Variants in C5orf46 observed in about 807,000 individuals in gnomAD.
C5orf46 encodes chromosome 5 open reading frame 46.
C5orf46 carries 9 observed loss-of-function variants against 8.9 expected under a neutral mutation model. The observed-to-expected ratio is 1.01, with a 90% CI of 0.61 to 1.76. The LOEUF (loss-of-function observed/expected upper bound fraction) is 1.76. Among genes scored for constraint, C5orf46 ranks in the 40% most tolerant of loss-of-function variants. C5orf46 has a pLI of 0.00. For synonymous variants in C5orf46, 47 were observed against 41.4 expected, an observed-to-expected ratio of 1.14 and a Z score of -0.52; for missense variants, 98 against 107.8, an observed-to-expected ratio of 0.91 and a Z score of 0.40.
chr5:147,904,101 A>G (rs77897710), intron 1 of C5orf46, among the ~76,000 whole-genome samples: 1 of 152,258 alleles, frequency 6.6e-6, no homozygotes, highest in East Asian at 1.9e-4. Flanking sequence ...AAAAAAAAAA[A>G]AGACAACTGT....
intron 2 of C5orf46, chr5:147,886,776 T>C (rs1380955462): frequency 6.6e-6 from 1 of 151,650 alleles, no homozygotes; most frequent in Non-Finnish European, 1.5e-5. Context: ...ATATTTTTTG[T>C]TATTATAAAA....
At chr5:147,892,294 C>A (rs2127124384), downstream of C5orf46, among the ~76,000 whole-genome samples, 1 of 152,312 alleles carries the variant, frequency 6.6e-6, no homozygotes. Flanking sequence ...ATTTCAATGA[C>A]TCTTCCATCC....
intron 3 of C5orf46, among the ~76,000 whole-genome samples, chr5:147,895,706 G>A (rs915138888): frequency 9.2e-5 from 14 of 152,168 alleles, no homozygotes; most frequent in African/African-American, 3.1e-4. Flanking sequence ...CGGAATGAAG[G>A]CAAAGTATTA....
intron 2 of C5orf46, among the ~76,000 whole-genome samples, chr5:147,897,353 A>G (rs1327574815): frequency 6.6e-6 from 1 of 152,230 alleles, no homozygotes; most frequent in African/African-American, 2.4e-5. Context: ...CATGGCAAAT[A>G]GTAGAAATTA....
rs2127131046 is a variant in C5orf46 at position 147,901,766 on chromosome 5, T to C, written c.78A>G (p.Lys26=). ...VLFLTCYADD[K]PDKPDDKPDD... Reference sequence around the variant, plus strand: ...CTGGCTTGTCGTCTGGCTTGTCTGGTTTGTCGTCTGAAAAACAACAGAATC... The same window carrying C: ...CTGGCTTGTCGTCTGGCTTGTCTGGCTTGTCGTCTGAAAAACAACAGAATC... The change falls in exon 2 of 4, where the codon AAA becomes AAG. Residue 26 remains lysine, a synonymous_variant. Coordinates refer to ENST00000318315, the MANE Select transcript of C5orf46 (RefSeq NM_206966.3). The C allele has an allele frequency of 6.2e-7, 1 of 1,613,600 alleles. No individual in the cohort carries two copies. Among genetic ancestry groups the C allele is most frequent in the Admixed American group, 1.7e-5 (1 of 59,924 alleles).
At chr5:147,886,818 C>G (rs1757427541) in intron 2 of C5orf46, 1 of 151,900 alleles carries the variant, frequency 6.6e-6, no homozygotes, top group Admixed American at 6.6e-5. Context: ...ATTTTGCATA[C>G]ATTTTTGTCT....
At chr5:147,904,840 TAC>T (rs1046100109) in intron 1 of C5orf46, among the ~76,000 whole-genome samples, 7 of 148,546 alleles carry the variant, frequency 4.7e-5, no homozygotes, top group African/African-American at 1.0e-4. Context: ...TATATATATA[TAC>T]ACACACATAC....
intron 2 of C5orf46, among the ~76,000 whole-genome samples, chr5:147,897,570 C>T (rs536513533): frequency 3.3e-5 from 5 of 152,180 alleles, no homozygotes; most frequent in South Asian, 4.1e-4. Context: ...CTGCTGAGAT[C>T]GTAAAAGATA....
intron 1 of C5orf46, among the ~76,000 whole-genome samples, chr5:147,902,318 G>A (rs995102630): frequency 6.6e-6 from 1 of 152,064 alleles, no homozygotes; most frequent in Non-Finnish European, 1.5e-5. Context: ...AGGTGTGATG[G>A]TGCACACCTG....
In C5orf46 at chr5:147,896,996, C is replaced by T; in HGVS notation, c.261G>A (p.Lys87=). The change falls in exon 3 of 4, where the codon AAG becomes AAA. Residue 87 remains lysine (K), a synonymous_variant. Transcript: ENST00000318315. ...FDDNEGKHSS[K] is the part of the protein sequence containing the mutation. The stretch of plus-strand genomic sequence containing the variant: ...AGTGAAAAATCACCTGAGGATGTCA[C>T]TTTGATGAATGTTTTCCTTCATTAT... 2.7e-6 allele frequency: 4 copies of T among 1,504,306 alleles called. No individual in the cohort carries two copies. Among genetic ancestry groups the T allele is most frequent in the Non-Finnish European group, 3.6e-6 (4 of 1,096,666 alleles). The allele number at this position is 1,504,306 out of a possible 1,614,324, so 93.2% of individuals were successfully genotyped here. A position where few individuals can be genotyped will look rare whatever the true frequency, so the allele number is the denominator to read the frequency against.
intron 3 of C5orf46, among the ~76,000 whole-genome samples, chr5:147,895,893 G>A (rs533236347): frequency 2.6e-5 from 4 of 152,310 alleles, no homozygotes; most frequent in Admixed American, 6.5e-5. Context: ...AAGCACATGG[G>A]AAAGGGTGGG....
chr5:147,891,803 A>G (rs998915721), downstream of C5orf46, among the ~76,000 whole-genome samples: 1 of 152,216 alleles, frequency 6.6e-6, no homozygotes. Context: ...TAGAAAATGC[A>G]GAGTGTGAGT....
rs560688583 is a variant in C5orf46 at position 147,906,317 on chromosome 5, T to G, written c.70+115A>C. 357 of 539,758 alleles carry G rather than the reference T, an allele frequency of 6.6e-4. 2 individuals are homozygous for G. Among genetic ancestry groups the G allele is most frequent in the Non-Finnish European group, 7.9e-5 (24 of 303,624 alleles). 33.4% of individuals were successfully genotyped at this position (539,758 alleles called of 1,614,324 possible). On this transcript the variant is annotated intron_variant, in intron 1 of 3. Transcript: ENST00000318315. ...CTCTTGTCTCCCAGGCCAGTGCTCT[T>G]TCTGGAGTGCCCAAAGACCCCTTCT...
chr5:147,886,013 T>G (rs1757412602), intron 2 of C5orf46: 1 of 152,170 alleles, frequency 6.6e-6, no homozygotes, highest in South Asian at 2.1e-4. Flanking sequence ...GAACAAACTA[T>G]TTATATACAC....
At chr5:147,906,348 T>G in intron 1 of C5orf46, 84 bp downstream of exon 1, 3 of 844,114 alleles carry the variant, frequency 3.6e-6, no homozygotes, top group South Asian at 2.5e-5. Flanking sequence ...CTTCTTTCTT[T>G]TATGTTCTGA....
chr5:147,886,460 T>TCATATAATCATATGGAATATAATTAA, intron 2 of C5orf46: 1 of 145,900 alleles, frequency 6.9e-6, no homozygotes, highest in African/African-American at 2.5e-5. Flanking sequence ...CATATAATTA[T>TCATATAATCATATGGAATATAATTAA]CATATAATCA....
At chr5:147,899,227 G>A (rs1185791465) in intron 2 of C5orf46, among the ~76,000 whole-genome samples, 1 of 152,094 alleles carries the variant, frequency 6.6e-6, no homozygotes, top group African/African-American at 2.4e-5. Context: ...TTTACCATAA[G>A]GACTGCAAAT....
chr5:147,904,823 A>G (rs2127132890), intron 1 of C5orf46, among the ~76,000 whole-genome samples: 1 of 148,652 alleles, frequency 6.7e-6, no homozygotes, highest in East Asian at 1.9e-4. Context: ...TTTATATATT[A>G]TATATCTATA....
downstream of C5orf46, among the ~76,000 whole-genome samples, chr5:147,889,189 A>G (rs114194691): frequency 0.014 from 2,187 of 152,290 alleles, 58 homozygotes; most frequent in African/African-American, 0.049. Flanking sequence ...ATAATGAGAT[A>G]TTGAATAGCT....
Sources: allele counts gnomAD v4.1 joint callset (sites outside exome capture counted in the v4.1 genomes callset), GRCh38; gene constraint gnomAD v4.1.1; transcripts MANE v1.5; gene names NCBI Gene and HGNC (gene_info 2026-07-23, HGNC 2026-07-21).